Variants in FMN1 observed in about 807,000 individuals in gnomAD.
The protein encoded by FMN1 is formin-1.
Under a neutral mutation model 132.4 loss-of-function variants are expected in FMN1, and 110 were observed. The ratio of observed to expected loss-of-function variants is 0.83; its 90% CI spans 0.71 to 0.97. The LOEUF (loss-of-function observed/expected upper bound fraction) is 0.97, where lower values mean the gene tolerates loss of function less well. Among genes scored for constraint, FMN1 ranks in the 50% least tolerant of loss-of-function variants. FMN1 has a pLI of 0.00. For synonymous variants in FMN1, 722 were observed against 651.7 expected (o/e 1.11, Z -1.64); for missense variants, 1,792 against 1,705.3 (o/e 1.05, Z -0.90).
At chr15:32,900,787 A>T (rs1418384588) in intron 13 of FMN1, among the ~76,000 whole-genome samples, 1 of 152,286 alleles carries the variant, frequency 6.6e-6, no homozygotes, top group East Asian at 1.9e-4. Flanking sequence ...TTTTACTTCA[A>T]GTACAATTTT....
chr15:33,186,864 A>G (rs1965905767), intron 2 of FMN1, among the ~76,000 whole-genome samples: 1 of 152,212 alleles, frequency 6.6e-6, no homozygotes. Flanking sequence ...GCTCACAGGT[A>G]TCTCCCTGGA....
chr15:33,172,351 C>T (rs1208313355), intron 3 of FMN1, among the ~76,000 whole-genome samples: 1 of 152,156 alleles, frequency 6.6e-6, no homozygotes, highest in Non-Finnish European at 1.5e-5. Context: ...AACCCACATA[C>T]TAAATGGAGG....
intron 7 of FMN1, among the ~76,000 whole-genome samples, chr15:32,989,260 A>C (rs2033281315): frequency 6.6e-6 from 1 of 152,128 alleles, no homozygotes; most frequent in South Asian, 2.1e-4. Context: ...GACACTGGGG[A>C]TGGAAGGTAG....
intron 3 of FMN1, among the ~76,000 whole-genome samples, chr15:33,165,859 G>A (rs1487487957): frequency 6.6e-6 from 1 of 152,138 alleles, no homozygotes; most frequent in Non-Finnish European, 1.5e-5. Context: ...CCAAGACAAA[G>A]CTGATCTGCC....
chr15:33,126,192 T>G (rs912937351), intron 4 of FMN1, among the ~76,000 whole-genome samples: 37 of 151,680 alleles, frequency 2.4e-4, no homozygotes, highest in African/African-American at 8.8e-4. Flanking sequence ...AGAGACATGG[T>G]GTGTTATTAA....
intron 7 of FMN1, among the ~76,000 whole-genome samples, chr15:32,998,048 A>G (rs1200680465): frequency 2.0e-5 from 3 of 152,250 alleles, no homozygotes; most frequent in African/African-American, 7.2e-5. Flanking sequence ...ACATAAGTAG[A>G]GGAGACTGGC....
At chr15:32,800,824 A>C (rs1020560) in intron 18 of FMN1, among the ~76,000 whole-genome samples, 98,433 of 152,120 alleles carry the variant, frequency 0.65, 32,117 homozygotes, top group African/African-American at 0.73. Context: ...TAGTCGTTCT[A>C]CCCCACCCTT....
intron 6 of FMN1, among the ~76,000 whole-genome samples, chr15:33,014,340 C>G (rs2034912694): frequency 6.6e-6 from 1 of 152,146 alleles, no homozygotes. Flanking sequence ...GCAGAGGTGT[C>G]AACTCAAGAC....
chr15:33,091,709 T>C (rs1272161334), intron 4 of FMN1, among the ~76,000 whole-genome samples: 1 of 152,206 alleles, frequency 6.6e-6, no homozygotes, highest in Non-Finnish European at 1.5e-5. Flanking sequence ...GTTTTAGTAA[T>C]ACAAACAACT....
At chr15:33,148,409 C>G (rs1302140294) in intron 4 of FMN1, among the ~76,000 whole-genome samples, 1 of 152,196 alleles carries the variant, frequency 6.6e-6, no homozygotes, top group Non-Finnish European at 1.5e-5. Context: ...CCCATTGGCT[C>G]CTCCAGATCC....
chr15:33,183,183 T>C (rs1965762422), intron 2 of FMN1, among the ~76,000 whole-genome samples: 1 of 152,210 alleles, frequency 6.6e-6, no homozygotes, highest in African/African-American at 2.4e-5. Context: ...TCAAACCCTG[T>C]TGTATAACTT....
intron 4 of FMN1, among the ~76,000 whole-genome samples, chr15:33,100,551 G>C (rs1016096107): frequency 6.6e-6 from 1 of 152,160 alleles, no homozygotes; most frequent in Non-Finnish European, 1.5e-5. Flanking sequence ...GAGGGAAAAA[G>C]AGGAAGAGAA....
intron 9 of FMN1, among the ~76,000 whole-genome samples, chr15:32,962,458 A>G (rs1451166201): frequency 5.3e-5 from 8 of 151,944 alleles, no homozygotes; most frequent in Admixed American, 5.2e-4. Flanking sequence ...TAAAACACCA[A>G]AAGCAATGGC....
chr15:32,964,709 C>T (rs191102141), intron 8 of FMN1, among the ~76,000 whole-genome samples: 18 of 152,186 alleles, frequency 1.2e-4, no homozygotes, highest in Non-Finnish European at 1.8e-4. Flanking sequence ...GACCTGCCTC[C>T]TCTTTGGACT....
In FMN1 at chr15:33,100,264, C is replaced by T. The variant is rs576320428; in HGVS notation, c.1868-11290G>A. ...AAAAGGTAGGAAATATAAAACTGCA[C>T]ATTTGGAAAAATAATATAGTATATG... On this transcript the variant is annotated intron_variant, in intron 4 of 20. Transcript: ENST00000616417. Among the ~76,000 whole-genome samples, 5 of 145,448 alleles carry T rather than the reference C, an allele frequency of 3.4e-5. No homozygotes were observed. The South Asian group carries it at 1.1e-3, about 32-fold the overall frequency.
intron 10 of FMN1, among the ~76,000 whole-genome samples, chr15:32,922,379 T>A (rs2060850992): frequency 2.6e-5 from 4 of 152,220 alleles, no homozygotes; most frequent in Admixed American, 2.6e-4. Flanking sequence ...CTTTTATGCA[T>A]GACACATTAG....
intron 6 of FMN1, among the ~76,000 whole-genome samples, chr15:33,014,193 G>C (rs1278905318): frequency 6.6e-6 from 1 of 152,226 alleles, no homozygotes; most frequent in African/African-American, 2.4e-5. Flanking sequence ...AGAGTAGTAA[G>C]AGAATATAAA....
At chr15:33,134,187 G>T (rs770742666) in intron 4 of FMN1, among the ~76,000 whole-genome samples, 4 of 152,152 alleles carry the variant, frequency 2.6e-5, no homozygotes, top group Non-Finnish European at 4.4e-5. Context: ...GGGCTCAAGT[G>T]ATCTTCCTGT....
At chr15:32,776,049 T>C (rs532531608) in intron 20 of FMN1, among the ~76,000 whole-genome samples, 1 of 152,346 alleles carries the variant, frequency 6.6e-6, no homozygotes, top group African/African-American at 2.4e-5. Flanking sequence ...GCATTTTACA[T>C]GTCTTTTCTC....
Sources: gnomAD v4.1 joint callset for allele counts (sites outside exome capture counted in the v4.1 genomes callset) on GRCh38, gnomAD v4.1.1 for gene constraint, MANE v1.5 for transcripts, NCBI Gene and HGNC (gene_info 2026-07-23, HGNC 2026-07-21) for gene names.